The following STRN variants were observed in gnomAD, a reference collection of about 807,000 sequenced individuals.
STRN encodes striatin.
A neutral mutation model predicts 96.3 loss-of-function variants in STRN; 53 were observed. The observed-to-expected ratio is 0.55, with a 90% CI of 0.44 to 0.69. The LOEUF is 0.69. Ranked by LOEUF, STRN falls within the 30% of genes least tolerant of loss-of-function variation. The pLI, the probability that STRN is intolerant of heterozygous loss-of-function variation, is 0.00. For missense variants in STRN, 987 were observed against 963.9 expected (o/e 1.02, Z -0.32); for synonymous variants, 428 against 355.9 (o/e 1.20, Z -2.28).
intron 12 of STRN, chr2:36,867,590 G>A (rs907068545): frequency 2.3e-5 from 7 of 308,524 alleles, no homozygotes; most frequent in Middle Eastern, 8.8e-4. Flanking sequence ...ATATAAATAC[G>A]TACCTCACTT....
intron 2 of STRN, among the ~76,000 whole-genome samples, chr2:36,923,172 A>G (rs1253498612): frequency 6.6e-6 from 1 of 150,390 alleles, no homozygotes; most frequent in Non-Finnish European, 1.5e-5. Context: ...ATACTCGGCC[A>G]GGTACATTCG....
intron 1 of STRN, among the ~76,000 whole-genome samples, chr2:36,938,789 TA>T (rs1476240075): frequency 6.6e-6 from 1 of 152,238 alleles, no homozygotes; most frequent in Non-Finnish European, 1.5e-5. Flanking sequence ...CTTTATATCT[TA>T]CTTAGCAAGT....
chr2:36,948,921 G>C (rs1402603463), intron 1 of STRN, among the ~76,000 whole-genome samples: 1 of 152,156 alleles, frequency 6.6e-6, no homozygotes, highest in Admixed American at 6.5e-5. Context: ...AAAAAAAGCA[G>C]GTATGATTTA....
At chr2:36,875,653 G>A (rs1668885226) in intron 10 of STRN, among the ~76,000 whole-genome samples, 1 of 118,674 alleles carries the variant, frequency 8.4e-6, no homozygotes, top group South Asian at 2.8e-4. Flanking sequence ...ATTGGAAATA[G>A]AAATGATTTT....
Position 36,893,979 on chromosome 2 carries a change from C to T in STRN, c.850G>A (p.Ala284Thr). The T allele has an allele frequency of 6.2e-7, 1 of 1,613,542 alleles. No homozygotes were observed. Among genetic ancestry groups the T allele is most frequent in the South Asian group, 1.1e-5 (1 of 91,010 alleles). ...DSGEDRDTKEALKEFDFLVTS... is the reference protein window; with the variant it reads ...DSGEDRDTKETLKEFDFLVTS... ...ACCAAGAAGTCAAACTCCTTTAGAGCTTCTTTTGTATCTCGATCTTCACCG... is the reference window on the plus strand; with the variant it reads ...ACCAAGAAGTCAAACTCCTTTAGAGTTTCTTTTGTATCTCGATCTTCACCG... The change falls in exon 7 of 18, where the codon GCT becomes ACT. Residue 284 changes from alanine to threonine, a missense_variant. Coordinates refer to ENST00000263918, the MANE Select transcript of STRN (RefSeq NM_003162.4).
intron 1 of STRN, among the ~76,000 whole-genome samples, chr2:36,965,638 G>C (rs1665138833): frequency 6.6e-6 from 1 of 152,114 alleles, no homozygotes. Context: ...AGAAACGTGG[G>C]AGGGGGCCGG....
At chr2:36,943,978 G>A (rs1670914811) in intron 1 of STRN, among the ~76,000 whole-genome samples, 1 of 151,954 alleles carries the variant, frequency 6.6e-6, no homozygotes, top group Non-Finnish European at 1.5e-5. Flanking sequence ...AAATTAGCTG[G>A]ACGTGGTGGC....
At chr2:36,896,787 A>C (rs998528613) in intron 6 of STRN, among the ~76,000 whole-genome samples, 2 of 152,222 alleles carry the variant, frequency 1.3e-5, no homozygotes, top group African/African-American at 4.8e-5. Context: ...ACACAGTTTG[A>C]AACTGATCAC....
intron 1 of STRN, among the ~76,000 whole-genome samples, chr2:36,943,166 T>TA (rs1267700885): frequency 1.3e-5 from 2 of 151,976 alleles, no homozygotes; most frequent in Non-Finnish European, 2.9e-5. Flanking sequence ...TTCTTGTTAG[T>TA]AAAAATGTAA....
intron 5 of STRN, among the ~76,000 whole-genome samples, chr2:36,901,098 T>C (rs58992829): frequency 2.0e-5 from 3 of 152,218 alleles, no homozygotes; most frequent in African/African-American, 7.2e-5. Context: ...GTGTTTGGTA[T>C]TACCCTCCCC....
intron 1 of STRN, among the ~76,000 whole-genome samples, chr2:36,956,121 A>T (rs939416078): frequency 6.6e-6 from 1 of 152,196 alleles, no homozygotes; most frequent in Non-Finnish European, 1.5e-5. Context: ...CTTACAGGAC[A>T]AAGAGAATGT....
chr2:36,852,521 C>T (rs1281552002), intron 15 of STRN, among the ~76,000 whole-genome samples: 1 of 152,106 alleles, frequency 6.6e-6, no homozygotes, highest in Non-Finnish European at 1.5e-5. Flanking sequence ...CATGACGTCT[C>T]TCATATGGTT....
At chr2:36,883,297 A>G (rs1197232045) in intron 9 of STRN, among the ~76,000 whole-genome samples, 1 of 151,386 alleles carries the variant, frequency 6.6e-6, no homozygotes, top group African/African-American at 2.4e-5. Context: ...TCTACTAAAA[A>G]TACAAAAAAA....
intron 3 of STRN, among the ~76,000 whole-genome samples, chr2:36,908,730 T>C (rs980685697): frequency 3.3e-5 from 5 of 152,092 alleles, no homozygotes; most frequent in African/African-American, 1.2e-4. Flanking sequence ...TACCAGCACT[T>C]TGGGAGGCCG....
At chr2:36,894,097 A>G in intron 6 of STRN, 64 bp from the exon 7 acceptor site, 1 of 1,543,460 alleles carries the variant, frequency 6.5e-7, no homozygotes, top group Non-Finnish European at 8.7e-7. Context: ...GAATAAGAAA[A>G]TTCAATTATT....
chr2:36,870,708 G>A (rs1290808510), intron 10 of STRN, among the ~76,000 whole-genome samples: 7 of 152,186 alleles, frequency 4.6e-5, no homozygotes, highest in African/African-American at 1.7e-4. Context: ...ATAAACTGCT[G>A]TTACTGGTTT....
At position 36,840,055 on chromosome 2, in the gene STRN, T is replaced by C. The variant is rs1194994999; in HGVS notation, c.*9401A>G. On this transcript the variant is annotated 3_prime_UTR_variant, in exon 18 of 18. Transcript: ENST00000263918. ...CCTGAGGAACTTTGTCCCAGAATTT[T>C]CCTCTCCAAAGAAAGCTCCCCAGAG... is the stretch of plus-strand genomic sequence containing the variant. 6.6e-6 allele frequency: 1 copy of C among 152,218 alleles called. No individual in the cohort carries two copies. The highest frequency in any genetic ancestry group is 1.5e-5 in the Non-Finnish European group (1 of 68,064). 9.4% of individuals were successfully genotyped at this position (152,218 alleles called of 1,614,324 possible).
intron 2 of STRN, among the ~76,000 whole-genome samples, chr2:36,919,206 G>C (rs1670184369): frequency 1.3e-5 from 2 of 152,136 alleles, no homozygotes. Context: ...CTTGTAGTTA[G>C]GTAAGGGTGG....
intron 9 of STRN, among the ~76,000 whole-genome samples, chr2:36,879,852 A>G (rs1355598279): frequency 2.6e-5 from 4 of 152,206 alleles, no homozygotes; most frequent in Non-Finnish European, 5.9e-5. Context: ...AGAATTGGCC[A>G]GGCTCGGAGG....
Sources: gnomAD v4.1 joint callset for allele counts (sites outside exome capture counted in the v4.1 genomes callset) on GRCh38, gnomAD v4.1.1 for gene constraint, MANE v1.5 for transcripts, NCBI Gene and HGNC (gene_info 2026-07-23, HGNC 2026-07-21) for gene names.